HECW2: variants seen among roughly 807,000 people sequenced by gnomAD.
HECW2 encodes E3 ubiquitin-protein ligase HECW2.
HECW2 carries 61 observed loss-of-function variants against 175.2 expected under a neutral mutation model. That is an observed-to-expected ratio of 0.35 (90% CI 0.28 to 0.43). HECW2 has a LOEUF of 0.43. Ranked by LOEUF, HECW2 falls within the 20% of genes least tolerant of loss-of-function variation. HECW2 has a pLI of 1.00. For missense variants in HECW2, 1,524 were observed against 2,000.5 expected, an observed-to-expected ratio of 0.76 and a Z score of 4.54; for synonymous variants, 671 against 731.0, an observed-to-expected ratio of 0.92 and a Z score of 1.32.
At chr2:196,409,992 C>T (rs1038161942) in intron 2 of HECW2, among the ~76,000 whole-genome samples, 1 of 152,060 alleles carries the variant, frequency 6.6e-6, no homozygotes, top group Non-Finnish European at 1.5e-5. Flanking sequence ...GTTCATTGAC[C>T]TGAGATTGGT....
intron 2 of HECW2, among the ~76,000 whole-genome samples, chr2:196,389,241 C>T (rs1232743337): frequency 6.6e-6 from 1 of 152,160 alleles, no homozygotes; most frequent in Non-Finnish European, 1.5e-5. Context: ...AATTAACTGT[C>T]ATGTTGCAAA....
intron 2 of HECW2, among the ~76,000 whole-genome samples, chr2:196,404,884 G>A (rs1347325108): frequency 7.4e-6 from 1 of 135,560 alleles, no homozygotes; most frequent in Non-Finnish European, 1.5e-5. Context: ...GAGTGCAGTG[G>A]TGCAATCTCG....
intron 1 of HECW2, among the ~76,000 whole-genome samples, chr2:196,483,277 T>C (rs538256773): frequency 3.3e-5 from 5 of 152,292 alleles, no homozygotes; most frequent in African/African-American, 9.6e-5. Flanking sequence ...AAATCTTGTG[T>C]GTCTACATGC....
chr2:196,407,043 T>C (rs1473616273), intron 2 of HECW2, among the ~76,000 whole-genome samples: 1 of 152,216 alleles, frequency 6.6e-6, no homozygotes. Context: ...TCCCAGGATC[T>C]AGAAGTATGT....
chr2:196,337,557 T>C (rs1249466010), intron 3 of HECW2, among the ~76,000 whole-genome samples: 3 of 96,426 alleles, frequency 3.1e-5, no homozygotes, highest in African/African-American at 1.1e-4. Context: ...CCTCAAATTA[T>C]GGGAAAAAAA....
At chr2:196,304,840 C>T (rs1345308207) in intron 13 of HECW2, among the ~76,000 whole-genome samples, 1 of 152,128 alleles carries the variant, frequency 6.6e-6, no homozygotes. Context: ...CTCAATACAC[C>T]AGCAACACCG....
At chr2:196,566,059 A>C (rs540837345) in intron 1 of HECW2, among the ~76,000 whole-genome samples, 2 of 152,250 alleles carry the variant, frequency 1.3e-5, no homozygotes, top group African/African-American at 4.8e-5. Flanking sequence ...GCCGCATCAA[A>C]TCCATATGCT....
intron 14 of HECW2, among the ~76,000 whole-genome samples, chr2:196,280,973 C>T (rs1251295518): frequency 6.6e-6 from 1 of 152,118 alleles, no homozygotes; most frequent in Non-Finnish European, 1.5e-5. Context: ...ATACAAAGAG[C>T]ATAAATTAGA....
At chr2:196,344,322 G>GAAAAAA (rs60573890) in intron 2 of HECW2, among the ~76,000 whole-genome samples, 2,747 of 65,130 alleles carry the variant, frequency 0.042, 4 homozygotes, top group Non-Finnish European at 0.048. Context: ...GACAAGATAA[G>GAAAAAA]AAAAAAAAAA....
intron 1 of HECW2, among the ~76,000 whole-genome samples, chr2:196,477,949 G>C (rs1215092139): frequency 6.6e-6 from 1 of 152,148 alleles, no homozygotes; most frequent in Non-Finnish European, 1.5e-5. Context: ...CTACTAGGGG[G>C]GCTGAGGCAG....
intron 15 of HECW2, 49 bp from the exon 16 acceptor site, chr2:196,274,172 C>T: frequency 7.2e-7 from 1 of 1,394,282 alleles, no homozygotes. Flanking sequence ...CCAGAATGCT[C>T]TATATCAGCA....
chr2:196,257,632 C>T (rs1689113930), intron 18 of HECW2, 191 bp downstream of exon 18: 10 of 580,890 alleles, frequency 1.7e-5, no homozygotes, highest in Non-Finnish European at 3.1e-5. Context: ...AAACAGATCT[C>T]AGTGTAACAA....
At chr2:196,276,228 G>A (rs1000211214) in intron 15 of HECW2, among the ~76,000 whole-genome samples, 3 of 152,176 alleles carry the variant, frequency 2.0e-5, no homozygotes, top group African/African-American at 7.2e-5. Context: ...TCCAACAGCT[G>A]TGTCAGAAAG....
chr2:196,370,642 T>C (rs1013484489), intron 2 of HECW2, among the ~76,000 whole-genome samples: 3 of 152,190 alleles, frequency 2.0e-5, no homozygotes, highest in Admixed American at 2.0e-4. Context: ...TTAATGTTTA[T>C]TTACAACCCC....
intron 1 of HECW2, among the ~76,000 whole-genome samples, chr2:196,587,987 C>G (rs1691048542): frequency 6.6e-6 from 1 of 152,168 alleles, no homozygotes; most frequent in African/African-American, 2.4e-5. Context: ...TCCTGCAACT[C>G]TATCCCTCAG....
At chr2:196,419,573 T>C (rs541601366) in intron 2 of HECW2, among the ~76,000 whole-genome samples, 35 of 152,332 alleles carry the variant, frequency 2.3e-4, no homozygotes, top group Admixed American at 2.2e-3. Context: ...CTTTGTAATA[T>C]TGTTCTGAAT....
intron 1 of HECW2, among the ~76,000 whole-genome samples, chr2:196,519,328 G>A (rs1688262085): frequency 6.6e-6 from 1 of 152,144 alleles, no homozygotes; most frequent in Non-Finnish European, 1.5e-5. Flanking sequence ...CAAAGCCACT[G>A]TCATCAATTT....
At chr2:196,529,143 C>T (rs1459807047) in intron 1 of HECW2, among the ~76,000 whole-genome samples, 2 of 152,216 alleles carry the variant, frequency 1.3e-5, no homozygotes, top group African/African-American at 2.4e-5. Flanking sequence ...AAAGAATGTT[C>T]TGGTATTCCA....
chr2:196,432,505 A>T (rs145432736), intron 2 of HECW2, among the ~76,000 whole-genome samples: 1 of 152,368 alleles, frequency 6.6e-6, no homozygotes, highest in East Asian at 1.9e-4. Flanking sequence ...TCACTCAGCA[A>T]ATGTAAGTTC....
Sources: allele counts gnomAD v4.1 joint callset (sites outside exome capture counted in the v4.1 genomes callset), GRCh38; gene constraint gnomAD v4.1.1; transcripts MANE v1.5; gene names NCBI Gene and HGNC (gene_info 2026-07-23, HGNC 2026-07-21).